The following TRIQK variants were observed in gnomAD, a reference collection of about 807,000 sequenced individuals.
TRIQK encodes triple QxxK/R motif-containing protein.
Under a neutral mutation model 10.8 loss-of-function variants are expected in TRIQK, and 10 were observed. That is an observed-to-expected ratio of 0.92 (90% confidence interval 0.57 to 1.57). TRIQK has a LOEUF of 1.57. TRIQK is among the 40% of genes most tolerant of loss of function. The pLI is 0.00. For synonymous variants in TRIQK, 33 were observed against 33.7 expected (o/e 0.98, Z 0.07); for missense variants, 107 against 97.7 (o/e 1.09, Z -0.40).
chr8:92,920,811 A>G (rs1457060862), intron 2 of TRIQK, among the ~76,000 whole-genome samples: 1 of 151,836 alleles, frequency 6.6e-6, no homozygotes, highest in East Asian at 1.9e-4. Flanking sequence ...ATAATCTAAA[A>G]AAGTCTTTGA....
intron 2 of TRIQK, among the ~76,000 whole-genome samples, chr8:92,927,498 T>C (rs375591626): frequency 2.0e-4 from 31 of 152,268 alleles, no homozygotes; most frequent in African/African-American, 7.2e-4. Context: ...TGAAAGTTAT[T>C]TTACTAGAGA....
intron 1 of TRIQK, among the ~76,000 whole-genome samples, chr8:92,956,775 G>T (rs940507929): frequency 6.6e-6 from 1 of 151,764 alleles, no homozygotes; most frequent in African/African-American, 2.4e-5. Flanking sequence ...GTCATTTCAA[G>T]TCTGTTTTTT....
At chr8:92,918,939 A>G (rs865987889) in intron 2 of TRIQK, among the ~76,000 whole-genome samples, 1 of 151,892 alleles carries the variant, frequency 6.6e-6, no homozygotes, top group Non-Finnish European at 1.5e-5. Flanking sequence ...TCTTCTGCAT[A>G]TAGAAACCAG....
chr8:92,942,417 T>C (rs553671828), intron 2 of TRIQK, among the ~76,000 whole-genome samples: 2 of 152,248 alleles, frequency 1.3e-5, no homozygotes, highest in South Asian at 4.1e-4. Flanking sequence ...AGGCCATATG[T>C]GACAAACCCA....
chr8:93,007,278 C>G (rs962270278), intron 1 of TRIQK, among the ~76,000 whole-genome samples: 1 of 152,122 alleles, frequency 6.6e-6, no homozygotes, highest in Admixed American at 6.5e-5. Context: ...GCCTACGGGC[C>G]CTATGGAAGT....
intron 1 of TRIQK, among the ~76,000 whole-genome samples, chr8:93,005,668 A>G (rs1813261470): frequency 6.6e-6 from 1 of 152,200 alleles, no homozygotes; most frequent in Non-Finnish European, 1.5e-5. Context: ...CAGCATCATA[A>G]AGGCATAATA....
At chr8:92,892,501 C>T (rs1159960519) in intron 3 of TRIQK, among the ~76,000 whole-genome samples, 1 of 151,756 alleles carries the variant, frequency 6.6e-6, no homozygotes, top group Non-Finnish European at 1.5e-5. Context: ...GTTAAGCATT[C>T]AAAACATAAG....
intron 1 of TRIQK, among the ~76,000 whole-genome samples, chr8:92,955,165 T>A (rs1812106028): frequency 6.6e-6 from 1 of 151,800 alleles, no homozygotes; most frequent in African/African-American, 2.4e-5. Flanking sequence ...CTCATATGGA[T>A]AAGAGTATAA....
At chr8:92,925,453 CAGAT>C (rs1368337727) in intron 2 of TRIQK, among the ~76,000 whole-genome samples, 2 of 151,978 alleles carry the variant, frequency 1.3e-5, no homozygotes, top group African/African-American at 2.4e-5. Flanking sequence ...TAGGTTATTA[CAGAT>C]AGATAGTATT....
intron 2 of TRIQK, among the ~76,000 whole-genome samples, chr8:92,946,341 CA>C (rs1811531925): frequency 1.3e-5 from 2 of 152,172 alleles, no homozygotes; most frequent in African/African-American, 4.8e-5. Context: ...GGAACAGCTG[CA>C]AAAAACAAAT....
At chr8:92,922,954 C>T (rs893009457) in intron 2 of TRIQK, among the ~76,000 whole-genome samples, 2 of 151,620 alleles carry the variant, frequency 1.3e-5, no homozygotes, top group African/African-American at 4.8e-5. Context: ...AGTAAAATAA[C>T]GTTTTACCAA....
chr8:92,891,885 G>T, intron 4 of TRIQK, 104 bp downstream of exon 4: 1 of 803,558 alleles, frequency 1.2e-6, no homozygotes, highest in Non-Finnish European at 1.9e-6. Context: ...TTTAGATTGT[G>T]AAATGTCATA....
intron 1 of TRIQK, among the ~76,000 whole-genome samples, chr8:92,972,073 A>G (rs1812882246): frequency 6.6e-6 from 1 of 152,144 alleles, no homozygotes; most frequent in Non-Finnish European, 1.5e-5. Flanking sequence ...CCTGATATTA[A>G]TAATCTTAGA....
intron 2 of TRIQK, among the ~76,000 whole-genome samples, chr8:92,936,402 A>G (rs1810990003): frequency 1.3e-5 from 2 of 151,682 alleles, no homozygotes; most frequent in Non-Finnish European, 3.0e-5. Flanking sequence ...CAGAAAAATA[A>G]AAGTTACATT....
chr8:93,010,249 C>A (rs571601464), intron 1 of TRIQK, among the ~76,000 whole-genome samples: 1 of 151,932 alleles, frequency 6.6e-6, no homozygotes, highest in African/African-American at 2.4e-5. Context: ...TTTAAAATAG[C>A]TAAAAGAGAG....
chr8:92,969,373 G>T (rs1348702490), upstream of TRIQK, among the ~76,000 whole-genome samples: 1 of 151,874 alleles, frequency 6.6e-6, no homozygotes, highest in East Asian at 1.9e-4. Flanking sequence ...TTCCATTGTA[G>T]TTAGAAAATA....
chr8:92,989,256 A>G (rs1294882582), intron 1 of TRIQK, among the ~76,000 whole-genome samples: 2 of 152,224 alleles, frequency 1.3e-5, no homozygotes, highest in Non-Finnish European at 2.9e-5. Flanking sequence ...GCTAGAATAA[A>G]ATATGTCAGA....
chr8:92,908,093 T>G (rs1809374850), intron 3 of TRIQK, among the ~76,000 whole-genome samples: 1 of 152,128 alleles, frequency 6.6e-6, no homozygotes, highest in African/African-American at 2.4e-5. Context: ...ACAAAATAGA[T>G]TACTTTACTG....
intron 1 of TRIQK, among the ~76,000 whole-genome samples, chr8:93,002,501 C>A (rs960327554): frequency 2.5e-4 from 38 of 151,896 alleles, no homozygotes; most frequent in African/African-American, 8.5e-4. Context: ...AATAGATAAC[C>A]TCGCAAAAAA....
Sources: allele counts gnomAD v4.1 joint callset (sites outside exome capture counted in the v4.1 genomes callset), GRCh38; gene constraint gnomAD v4.1.1; transcripts MANE v1.5; gene names NCBI Gene and HGNC (gene_info 2026-07-23, HGNC 2026-07-21).